Variants in PIERCE2 observed in about 807,000 individuals in gnomAD.
PIERCE2 encodes the protein piercer of microtubule wall 2 protein.
chr15:55,418,617 T>C, the PIERCE2 span: 2 of 1,256,238 alleles, frequency 1.6e-6, no homozygotes, highest in East Asian at 2.6e-5. Context: ...TCGGGAAAAA[T>C]GAGTGTTAAA....
chr15:55,416,491 A>G, the PIERCE2 span, among the ~76,000 whole-genome samples: 1 of 152,118 alleles, frequency 6.6e-6, no homozygotes, highest in Admixed American at 6.6e-5. Context: ...AAAACTACAT[A>G]TATATATTTA....
the PIERCE2 span, among the ~76,000 whole-genome samples, chr15:55,414,886 G>A: frequency 6.6e-6 from 1 of 151,886 alleles, no homozygotes; most frequent in African/African-American, 2.4e-5. Flanking sequence ...TCAAAAAAAA[G>A]AAAAACAAAA....
chr15:55,413,084 C>A, the PIERCE2 span, among the ~76,000 whole-genome samples: 1 of 151,976 alleles, frequency 6.6e-6, no homozygotes, highest in South Asian at 2.1e-4. Context: ...CTGGCTAACA[C>A]GGTGAAACCC....
the PIERCE2 span, chr15:55,408,630 C>T: frequency 3.3e-6 from 2 of 603,526 alleles, no homozygotes; most frequent in East Asian, 2.8e-5. Flanking sequence ...ACATACTGAT[C>T]CACCCAGCTA....
chr15:55,409,964 C>T, the PIERCE2 span, among the ~76,000 whole-genome samples: 1 of 152,160 alleles, frequency 6.6e-6, no homozygotes, highest in Non-Finnish European at 1.5e-5. Flanking sequence ...AATTTGAACT[C>T]ATCCTTTTAT....
the PIERCE2 span, chr15:55,418,441 T>A: frequency 6.6e-7 from 1 of 1,523,440 alleles, no homozygotes; most frequent in South Asian, 1.2e-5. Flanking sequence ...TCCCCTGCAA[T>A]TATACTCCAA....
chr15:55,418,493 T>C, the PIERCE2 span: 3 of 1,528,570 alleles, frequency 2.0e-6, no homozygotes, highest in African/African-American at 1.4e-5. Flanking sequence ...AACTGGATTT[T>C]ATCAAAATAA....
At chr15:55,417,229 C>T in the PIERCE2 span, among the ~76,000 whole-genome samples, 2 of 152,100 alleles carry the variant, frequency 1.3e-5, no homozygotes, top group African/African-American at 4.8e-5. Context: ...GAGATCTAAC[C>T]CCTGGCTCTC....
the PIERCE2 span, chr15:55,417,988 A>C: frequency 2.7e-6 from 2 of 732,388 alleles, no homozygotes; most frequent in African/African-American, 3.6e-5. Context: ...TCATCAGTTA[A>C]GGCAGGAACC....
the PIERCE2 span, among the ~76,000 whole-genome samples, chr15:55,411,452 A>C: frequency 1.3e-5 from 2 of 152,128 alleles, no homozygotes; most frequent in Non-Finnish European, 2.9e-5. Context: ...TGACAGAGCA[A>C]AACTCCATCT....
chr15:55,408,717 T>G, the PIERCE2 span: 1 of 1,381,710 alleles, frequency 7.2e-7, no homozygotes, highest in Non-Finnish European at 9.9e-7. Context: ...TTTCTTGCCA[T>G]CTGCTGCATG....
the PIERCE2 span, among the ~76,000 whole-genome samples, chr15:55,410,169 A>C: frequency 1.3e-5 from 2 of 152,300 alleles, no homozygotes; most frequent in African/African-American, 4.8e-5. Flanking sequence ...GAAATCTAAA[A>C]AATTTTTAAT....
chr15:55,415,039 G>A, the PIERCE2 span, among the ~76,000 whole-genome samples: 2 of 152,206 alleles, frequency 1.3e-5, no homozygotes, highest in African/African-American at 2.4e-5. Flanking sequence ...AGGGCTGGGT[G>A]AACGTTTATC....
At chr15:55,409,010 G>C in the PIERCE2 span, among the ~76,000 whole-genome samples, 1 of 152,058 alleles carries the variant, frequency 6.6e-6, no homozygotes, top group Non-Finnish European at 1.5e-5. Context: ...ATACCCTACT[G>C]TTGCAAACTG....
At chr15:55,416,099 T>C in the PIERCE2 span, among the ~76,000 whole-genome samples, 39,500 of 147,682 alleles carry the variant, frequency 0.27, 6,569 homozygotes, top group Non-Finnish European at 0.38. Flanking sequence ...AACATTGTTA[T>C]ATATATAGAG....
At chr15:55,408,987 A>T in the PIERCE2 span, among the ~76,000 whole-genome samples, 4 of 152,292 alleles carry the variant, frequency 2.6e-5, no homozygotes, top group African/African-American at 9.6e-5. Flanking sequence ...GACCATCGAG[A>T]TTGTATGCAT....
chr15:55,411,714 G>A, the PIERCE2 span, among the ~76,000 whole-genome samples: 1 of 152,046 alleles, frequency 6.6e-6, no homozygotes. Context: ...CTGAGGTTGG[G>A]AGTTCGAGAC....
chr15:55,418,590 T>G, the PIERCE2 span: 1 of 1,366,400 alleles, frequency 7.3e-7, no homozygotes, highest in Non-Finnish European at 9.7e-7. Context: ...CCTTTGTATA[T>G]TGAAGAGAAA....
the PIERCE2 span, among the ~76,000 whole-genome samples, chr15:55,411,690 G>A: frequency 6.6e-6 from 1 of 152,106 alleles, no homozygotes; most frequent in Non-Finnish European, 1.5e-5. Flanking sequence ...GGGAGGCCGA[G>A]GCGGGCGGAT....
Sources: gnomAD v4.1 joint callset for allele counts (sites outside exome capture counted in the v4.1 genomes callset) on GRCh38, gnomAD v4.1.1 for gene constraint, MANE v1.5 for transcripts, NCBI Gene and HGNC (gene_info 2026-07-23, HGNC 2026-07-21) for gene names.